The following PIGL variants were observed in gnomAD, a reference collection of about 807,000 sequenced individuals.
PIGL encodes N-acetylglucosaminyl-phosphatidylinositol de-N-acetylase.
A neutral mutation model predicts 31.1 loss-of-function variants in PIGL; 22 were observed. The ratio of observed to expected loss-of-function variants is 0.71; its 90% CI spans 0.51 to 1.01. The LOEUF (loss-of-function observed/expected upper bound fraction) is 1.01. Ranked by LOEUF, PIGL falls within the 50% of genes least tolerant of loss-of-function variation. The pLI is 0.00. For synonymous variants in PIGL, 131 were observed against 117.4 expected (o/e 1.12, Z -0.75); for missense variants, 302 against 315.9 (o/e 0.96, Z 0.33).
chr17:16,318,575 T>A (rs1417290462), intron 6 of PIGL, among the ~76,000 whole-genome samples: 1 of 151,800 alleles, frequency 6.6e-6, no homozygotes, highest in East Asian at 1.9e-4. Flanking sequence ...CCAGCCCTAC[T>A]CTTTATATAT....
Position 16,271,680 on chromosome 17 carries a change from C to T in PIGL, c.336-28208C>T, listed in dbSNP as rs149198767. Among the ~76,000 whole-genome samples the T allele has an allele frequency of 5.3e-3, 806 of 151,966 alleles. 11 individuals carry two copies. The highest frequency in any genetic ancestry group is 0.018 in the African/African-American group (742 of 41,452). On this transcript the variant is annotated intron_variant, in intron 2 of 6. Transcript: ENST00000225609. ...CTGAGTAGCTGGGACTACAGGCGCA[C>T]ACCACCACACCCAGCTAATTTTTGT...
intron 2 of PIGL, among the ~76,000 whole-genome samples, chr17:16,248,618 C>T (rs2142721605): frequency 6.6e-6 from 1 of 152,218 alleles, no homozygotes; most frequent in South Asian, 2.1e-4. Context: ...TTCCTGAGTC[C>T]TCACCAGAAT....
At chr17:16,238,655 A>T (rs2092709702) in intron 2 of PIGL, among the ~76,000 whole-genome samples, 1 of 151,038 alleles carries the variant, frequency 6.6e-6, no homozygotes, top group South Asian at 2.1e-4. Context: ...TCACACCTGT[A>T]ATCCCAGCAC....
At chr17:16,222,974 T>C (rs1211383476) in intron 1 of PIGL, among the ~76,000 whole-genome samples, 1 of 151,972 alleles carries the variant, frequency 6.6e-6, no homozygotes, top group African/African-American at 2.4e-5. Flanking sequence ...ATTGTGCCAT[T>C]GCAATCCAGC....
chr17:16,259,675 G>T (rs928229943), intron 2 of PIGL, among the ~76,000 whole-genome samples: 2 of 152,192 alleles, frequency 1.3e-5, no homozygotes, highest in Non-Finnish European at 2.9e-5. Flanking sequence ...TGATGATTTT[G>T]ATGGCAGCAG....
At chr17:16,248,762 G>T (rs2092759031) in intron 2 of PIGL, among the ~76,000 whole-genome samples, 1 of 152,114 alleles carries the variant, frequency 6.6e-6, no homozygotes, top group African/African-American at 2.4e-5. Flanking sequence ...TTATGTATCT[G>T]TTACTTCACA....
intron 1 of PIGL, among the ~76,000 whole-genome samples, chr17:16,230,007 G>A (rs1019402763): frequency 5.9e-5 from 9 of 151,884 alleles, no homozygotes; most frequent in Non-Finnish European, 8.8e-5. Context: ...GACTACAGGC[G>A]TGTGCCCACC....
At chr17:16,244,470 T>A (rs1310999270) in intron 2 of PIGL, among the ~76,000 whole-genome samples, 2 of 152,202 alleles carry the variant, frequency 1.3e-5, no homozygotes, top group African/African-American at 4.8e-5. Context: ...GGCACTCCAT[T>A]TGCACAATGT....
At chr17:16,232,810 AAAACTAAACCTGT>A (rs1382801516) in intron 1 of PIGL, among the ~76,000 whole-genome samples, 5 of 152,002 alleles carry the variant, frequency 3.3e-5, no homozygotes, top group Admixed American at 6.6e-5. Flanking sequence ...AGGACAATAC[AAAACTAAACCTGT>A]AAACTAAACC....
chr17:16,320,256 AGGG>A (rs1367699261), intron 6 of PIGL, among the ~76,000 whole-genome samples: 4 of 79,414 alleles, frequency 5.0e-5, no homozygotes, highest in Admixed American at 1.8e-4. Flanking sequence ...GAAGGAAAGG[AGGG>A]AGGAAGGGGA....
intron 2 of PIGL, among the ~76,000 whole-genome samples, chr17:16,287,928 T>C (rs547868244): frequency 6.6e-6 from 1 of 152,330 alleles, no homozygotes; most frequent in South Asian, 2.1e-4. Flanking sequence ...GCTTCTCTAA[T>C]TATTTCCTTA....
At chr17:16,284,268 C>T (rs910277300) in intron 2 of PIGL, among the ~76,000 whole-genome samples, 1 of 152,144 alleles carries the variant, frequency 6.6e-6, no homozygotes, top group African/African-American at 2.4e-5. Flanking sequence ...TCAGCCACTG[C>T]GCCTAGCCCG....
At chr17:16,282,007 C>T (rs767354637) in intron 2 of PIGL, 22 of 512,454 alleles carry the variant, frequency 4.3e-5, no homozygotes, top group Non-Finnish European at 8.5e-5. Context: ...CATGGGGGCA[C>T]TGCTAAGAGG....
intron 2 of PIGL, among the ~76,000 whole-genome samples, chr17:16,239,222 G>C (rs1197168490): frequency 6.6e-6 from 1 of 151,082 alleles, no homozygotes. Context: ...GGTGGCTCAC[G>C]CCTGTAATCC....
chr17:16,268,756 T>G (rs1333236000), intron 2 of PIGL, among the ~76,000 whole-genome samples: 1 of 151,702 alleles, frequency 6.6e-6, no homozygotes, highest in Non-Finnish European at 1.5e-5. Flanking sequence ...GGCGTTTTTT[T>G]GTTGTTCTTG....
intron 2 of PIGL, among the ~76,000 whole-genome samples, chr17:16,259,559 C>T (rs2092810822): frequency 6.6e-6 from 1 of 152,058 alleles, no homozygotes; most frequent in Non-Finnish European, 1.5e-5. Context: ...GGACTCCTCC[C>T]TCACACCACA....
Position 16,317,806 on chromosome 17 carries a change from T to C in PIGL, c.558T>C (p.Asn186=), listed in dbSNP as rs759197459. ...CTGTGCTCACGCTTCAGTCTGTGAATGTGCTGCGCAAGTACATCTCCCTTC... is the reference window on the plus strand; with the variant it reads ...CTGTGCTCACGCTTCAGTCTGTGAACGTGCTGCGCAAGTACATCTCCCTTC... ...GCSVLTLQSV[N]VLRKYISLLD... The change falls in exon 6 of 7, where the codon AAT becomes AAC. Residue 186 remains asparagine, a synonymous_variant. Transcript: ENST00000225609. 1.4e-4 allele frequency: 218 copies of C among 1,614,010 alleles called. No homozygotes were observed. Among genetic ancestry groups the C allele is most frequent in the Non-Finnish European group, 1.8e-4 (214 of 1,180,040 alleles).
At chr17:16,242,400 T>G (rs757443754) in intron 2 of PIGL, among the ~76,000 whole-genome samples, 11 of 152,114 alleles carry the variant, frequency 7.2e-5, no homozygotes, top group Non-Finnish European at 1.5e-4. Flanking sequence ...CAATTCTTGT[T>G]AAAGTTATTT....
chr17:16,265,400 A>T lies in PIGL; in HGVS notation c.335+31330A>T, dbSNP rs114117786. On this transcript the variant is annotated intron_variant, in intron 2 of 6. Transcript: ENST00000225609. ...CATGATGACTGCATAGGTGCTCAAG[A>T]CTGCCCATGGTGGAGTATTAGTCCC... 2.9e-3 allele frequency among the ~76,000 whole-genome samples: 439 copies of T among 152,212 alleles called. 3 individuals are homozygous for T. Among genetic ancestry groups the T allele is most frequent in the African/African-American group, 0.01 (425 of 41,532 alleles).
Sources: allele counts gnomAD v4.1 joint callset (sites outside exome capture counted in the v4.1 genomes callset), GRCh38; gene constraint gnomAD v4.1.1; transcripts MANE v1.5; gene names NCBI Gene and HGNC (gene_info 2026-07-23, HGNC 2026-07-21).